ATRNL1: variants seen among roughly 807,000 people sequenced by gnomAD.
ATRNL1 encodes the protein attractin-like protein 1.
In ATRNL1, 95 loss-of-function variants were observed where a neutral mutation model predicts 182.7. That is an observed-to-expected ratio of 0.52 (90% CI 0.44 to 0.62). The LOEUF (loss-of-function observed/expected upper bound fraction) is 0.62, where lower values mean the gene tolerates loss of function less well. ATRNL1 is among the 20% of genes least tolerant of loss of function. ATRNL1 has a pLI of 0.00. For missense variants in ATRNL1, 1,471 were observed against 1,679.5 expected (o/e 0.88, Z 2.17); for synonymous variants, 576 against 568.3 (o/e 1.01, Z -0.19).
rs1345558774 is a variant in ATRNL1, at chr10:115,413,010, C to T, written c.3270-13240C>T. ...TCCAGATCATATTATTATTAGGTTA[C>T]ATCATAATCCATAACGGATATGCCA... On this transcript the variant is annotated intron_variant, in intron 20 of 28. Coordinates refer to ENST00000355044, the MANE Select transcript of ATRNL1 (RefSeq NM_207303.4). Among the ~76,000 whole-genome samples the T allele has an allele frequency of 4.6e-5, 7 of 152,232 alleles. No homozygotes were observed. The East Asian group carries it at 1.3e-3, about 29-fold the overall frequency.
intron 27 of ATRNL1, among the ~76,000 whole-genome samples, chr10:115,830,852 C>G (rs1555093430): frequency 6.6e-6 from 1 of 152,144 alleles, no homozygotes; most frequent in Admixed American, 6.5e-5. Flanking sequence ...CTGATGTCAG[C>G]TAATTTCTGT....
At chr10:115,235,971 A>G (rs988799397) in intron 9 of ATRNL1, among the ~76,000 whole-genome samples, 4 of 152,114 alleles carry the variant, frequency 2.6e-5, no homozygotes, top group Admixed American at 2.6e-4. Flanking sequence ...ATTCATTTAT[A>G]TCAGTATGAA....
At chr10:115,534,967 T>G in intron 25 of ATRNL1, among the ~76,000 whole-genome samples, 1 of 151,944 alleles carries the variant, frequency 6.6e-6, no homozygotes, top group East Asian at 1.9e-4. Context: ...GAGTTTCTGC[T>G]GAGAGATCCG....
intron 5 of ATRNL1, among the ~76,000 whole-genome samples, chr10:115,142,598 A>C (rs1178066182): frequency 6.6e-6 from 1 of 152,212 alleles, no homozygotes; most frequent in East Asian, 1.9e-4. Flanking sequence ...GGAGCCATTG[A>C]AGGATTTTGA....
chr10:115,454,749 C>A (rs556174955), intron 21 of ATRNL1, among the ~76,000 whole-genome samples: 2 of 151,876 alleles, frequency 1.3e-5, no homozygotes, highest in Non-Finnish European at 2.9e-5. Flanking sequence ...GATTTTGTAT[C>A]CTGCAACACT....
At chr10:115,694,193 C>G (rs528267029) in intron 26 of ATRNL1, among the ~76,000 whole-genome samples, 1 of 151,722 alleles carries the variant, frequency 6.6e-6, no homozygotes, top group African/African-American at 2.4e-5. Context: ...CACACACACA[C>G]ACACACACAC....
At chr10:115,186,092 T>C (rs530364783) in intron 8 of ATRNL1, among the ~76,000 whole-genome samples, 2 of 151,918 alleles carry the variant, frequency 1.3e-5, no homozygotes, top group Admixed American at 1.3e-4. Flanking sequence ...TCACAAATTA[T>C]ACATCTGATA....
At chr10:115,703,961 G>C (rs780510664) in intron 26 of ATRNL1, among the ~76,000 whole-genome samples, 1 of 151,828 alleles carries the variant, frequency 6.6e-6, no homozygotes, top group East Asian at 1.9e-4. Context: ...TTTAATTAAT[G>C]ATGGTGGGAC....
At chr10:115,318,279 G>T (rs1315602639) in intron 18 of ATRNL1, among the ~76,000 whole-genome samples, 1 of 152,148 alleles carries the variant, frequency 6.6e-6, no homozygotes, top group East Asian at 1.9e-4. Context: ...TGTGCTGCTG[G>T]ATTCGGTTTG....
chr10:115,449,239 G>A (rs1847165186), intron 21 of ATRNL1, among the ~76,000 whole-genome samples: 1 of 152,178 alleles, frequency 6.6e-6, no homozygotes, highest in Admixed American at 6.5e-5. Context: ...TGCAGAAAAG[G>A]AGAGAAGAGA....
At chr10:115,591,702 T>C (rs1292036913) in intron 26 of ATRNL1, among the ~76,000 whole-genome samples, 2 of 152,088 alleles carry the variant, frequency 1.3e-5, no homozygotes, top group African/African-American at 4.8e-5. Flanking sequence ...CCAAAGAAGG[T>C]CCAAAACGCG....
At chr10:115,581,588 T>C (rs1487309519) in intron 26 of ATRNL1, among the ~76,000 whole-genome samples, 2 of 152,124 alleles carry the variant, frequency 1.3e-5, no homozygotes, top group Non-Finnish European at 1.5e-5. Flanking sequence ...AAAATATATA[T>C]GTGCATATGT....
At chr10:115,695,342 A>G (rs1555049460) in intron 26 of ATRNL1, among the ~76,000 whole-genome samples, 1 of 152,148 alleles carries the variant, frequency 6.6e-6, no homozygotes, top group East Asian at 1.9e-4. Context: ...TGAAAATACT[A>G]CTGATTATTT....
At chr10:115,353,937 A>C (rs1387399967) in intron 19 of ATRNL1, among the ~76,000 whole-genome samples, 2 of 152,102 alleles carry the variant, frequency 1.3e-5, no homozygotes, top group South Asian at 4.1e-4. Context: ...CATATTGTCT[A>C]TCTTTCAAAA....
intron 5 of ATRNL1, among the ~76,000 whole-genome samples, chr10:115,145,863 G>A (rs556791220): frequency 6.6e-6 from 1 of 152,034 alleles, no homozygotes; most frequent in Non-Finnish European, 1.5e-5. Flanking sequence ...TAGTCTTGCT[G>A]GGATGAAAAA....
chr10:115,189,147 A>G (rs1321635436), intron 8 of ATRNL1, among the ~76,000 whole-genome samples: 3 of 152,128 alleles, frequency 2.0e-5, no homozygotes, highest in South Asian at 4.1e-4. Context: ...TCAAAATGTC[A>G]TAGTGCAATG....
chr10:115,552,407 C>A (rs555811965), intron 26 of ATRNL1, among the ~76,000 whole-genome samples: 1 of 151,300 alleles, frequency 6.6e-6, no homozygotes, highest in Admixed American at 6.6e-5. Context: ...CAGAGGACAC[C>A]TTTGATTAGT....
chr10:115,934,304 A>G (rs1323481916), intron 28 of ATRNL1, among the ~76,000 whole-genome samples: 1 of 152,210 alleles, frequency 6.6e-6, no homozygotes, highest in Non-Finnish European at 1.5e-5. Flanking sequence ...TGCAACAGCT[A>G]ACATTCCCCA....
At chr10:115,187,677 T>TG (rs1755276573) in intron 8 of ATRNL1, among the ~76,000 whole-genome samples, 1 of 145,272 alleles carries the variant, frequency 6.9e-6, no homozygotes, top group Non-Finnish European at 1.5e-5. Flanking sequence ...TTGGTTTTTT[T>TG]TTTTTTTTTT....
Sources: gnomAD v4.1 joint callset for allele counts (sites outside exome capture counted in the v4.1 genomes callset) on GRCh38, gnomAD v4.1.1 for gene constraint, MANE v1.5 for transcripts, NCBI Gene and HGNC (gene_info 2026-07-23, HGNC 2026-07-21) for gene names.